Variants in CCNL1 observed in about 807,000 individuals in gnomAD.
CCNL1 encodes the protein cyclin L1.
A neutral mutation model predicts 60.6 loss-of-function variants in CCNL1; 13 were observed. The observed-to-expected ratio is 0.21, with a 90% CI of 0.14 to 0.34. The LOEUF (loss-of-function observed/expected upper bound fraction) is 0.34, where lower values mean the gene tolerates loss of function less well. Among genes scored for constraint, CCNL1 ranks in the 10% least tolerant of loss-of-function variants. The pLI, the probability that CCNL1 is intolerant of heterozygous loss-of-function variation, is 1.00. For missense variants in CCNL1, 481 were observed against 664.3 expected, an observed-to-expected ratio of 0.72 and a Z score of 3.03; for synonymous variants, 270 against 244.3, an observed-to-expected ratio of 1.10 and a Z score of -0.98.
downstream of CCNL1, among the ~76,000 whole-genome samples, chr3:157,145,458 A>C (rs1307311381): frequency 6.8e-6 from 1 of 147,966 alleles, no homozygotes; most frequent in Non-Finnish European, 1.5e-5. Flanking sequence ...AAAAAAAAAA[A>C]AAAAAACCAA....
intron 4 of CCNL1, chr3:157,152,695 T>C (rs1738285429): frequency 1.5e-5 from 17 of 1,119,196 alleles, no homozygotes; most frequent in Non-Finnish European, 1.9e-5. Flanking sequence ...TGATGATAAG[T>C]GTGCCAGATA....
chr3:157,149,988 A>G lies in CCNL1; in HGVS notation c.880-11T>C. 4.0e-6 allele frequency: 6 copies of G among 1,508,458 alleles called. No individual in the cohort carries two copies. Among genetic ancestry groups the G allele is most frequent in the Non-Finnish European group, 5.3e-6 (6 of 1,136,456 alleles). The allele number at this position is 1,508,458 out of a possible 1,614,324, so 93.4% of individuals were successfully genotyped here. ...TAATTCATAGTTTGGCTGTTGGAGG[A>G]AAAAAAAGTTAGTATTTCTTCCTTA... On this transcript the variant is annotated splice_polypyrimidine_tract_variant and intron_variant, in intron 7 of 10. Coordinates refer to ENST00000295926, the MANE Select transcript of CCNL1 (RefSeq NM_020307.4).
chr3:157,152,408 T>G, intron 4 of CCNL1, 167 bp from the exon 5 acceptor site: 1 of 1,305,172 alleles, frequency 7.7e-7, no homozygotes, highest in Non-Finnish European at 9.8e-7. Context: ...GCTACATGAC[T>G]AGATTTTATA....
intron 8 of CCNL1, 65 bp from the exon 9 acceptor site, chr3:157,149,661 T>C (rs1738020722): frequency 6.6e-7 from 1 of 1,514,596 alleles, no homozygotes; most frequent in South Asian, 1.2e-5. Context: ...AAGTTGTTTC[T>C]AAATGTAACT....
At chr3:157,156,114 TTA>T (rs1014502898) in intron 3 of CCNL1, among the ~76,000 whole-genome samples, 2 of 152,218 alleles carry the variant, frequency 1.3e-5, no homozygotes, top group African/African-American at 4.8e-5. Context: ...TTAGTTTCAT[TTA>T]TGTGTTACAA....
chr3:157,151,968 T>G (rs1488022233), intron 5 of CCNL1: 1 of 1,368,970 alleles, frequency 7.3e-7, no homozygotes, highest in African/African-American at 1.5e-5. Flanking sequence ...AAAGTTAAAT[T>G]GAGTTCTCCA....
intron 5 of CCNL1, 170 bp downstream of exon 5, chr3:157,152,007 C>G (rs1459080682): frequency 7.0e-7 from 1 of 1,420,730 alleles, no homozygotes; most frequent in African/African-American, 1.5e-5. Context: ...GCCAAGAAAA[C>G]AGGAAGCAGA....
chr3:157,159,394 G>A lies in CCNL1; in HGVS notation c.378+11C>T, dbSNP rs775833696. ...GAAGAAATCCCTTTTACCCGCCTCCGCTGTGCTTACCTCGAAACTGTGTTT... is the reference window on the plus strand; with the variant it reads ...GAAGAAATCCCTTTTACCCGCCTCCACTGTGCTTACCTCGAAACTGTGTTT... On this transcript the variant is annotated intron_variant, in intron 2 of 10. Transcript: ENST00000295926. 4 of 1,613,332 alleles carry A rather than the reference G, an allele frequency of 2.5e-6. No homozygotes were observed. In the South Asian group the frequency reaches 4.4e-5, roughly 18 times the overall value.
intron 4 of CCNL1, chr3:157,152,478 A>T: frequency 8.3e-7 from 1 of 1,211,152 alleles, no homozygotes; most frequent in South Asian, 2.3e-5. Context: ...TTAAAAGAAT[A>T]TTTTTCATTG....
intron 10 of CCNL1, chr3:157,148,999 TA>T (rs111766647): frequency 0.2 from 55,022 of 279,228 alleles, 1,086 homozygotes; most frequent in East Asian, 0.25. Context: ...TAACTGAAAT[TA>T]AAAAAAAAAA....
At chr3:157,144,382 C>A (rs1007921422), downstream of CCNL1, among the ~76,000 whole-genome samples, 1 of 152,192 alleles carries the variant, frequency 6.6e-6, no homozygotes, top group Non-Finnish European at 1.5e-5. Context: ...AAAATAAATC[C>A]TATTTGCCCA....
At chr3:157,145,142 A>G (rs1410761817), downstream of CCNL1, among the ~76,000 whole-genome samples, 1 of 152,198 alleles carries the variant, frequency 6.6e-6, no homozygotes, top group Non-Finnish European at 1.5e-5. Context: ...ACTTGTACTA[A>G]AAATCAGGAT....
chr3:157,150,478 T>A, intron 5 of CCNL1, 97 bp from the exon 6 acceptor site: 1 of 1,483,010 alleles, frequency 6.7e-7, no homozygotes, highest in Non-Finnish European at 9.0e-7. Context: ...TTCTTTTTTC[T>A]TCTCTTATTT....
At position 157,152,067 on chromosome 3, in the gene CCNL1, G is replaced by A. The variant is rs551440806; in HGVS notation, c.674+110C>T. ...TAAAAAAACAAAACAAAAAAACAAC[G>A]AAAAGCCCCAAACAAACTTATCTCA... On this transcript the variant is annotated intron_variant, in intron 5 of 10. Coordinates refer to ENST00000295926, the MANE Select transcript of CCNL1 (RefSeq NM_020307.4). 100 of 1,499,448 alleles carry A rather than the reference G, an allele frequency of 6.7e-5. 1 individual carries two copies. The highest frequency in any genetic ancestry group is 2.0e-4 in the South Asian group (15 of 73,218). The allele number at this position is 1,499,448 out of a possible 1,614,324, so 92.9% of individuals were successfully genotyped here.
At position 157,157,731 on chromosome 3, in the gene CCNL1, G is replaced by A. The variant is rs188020580; in HGVS notation, c.488+1135C>T. On this transcript the variant is annotated intron_variant, in intron 3 of 10. Coordinates refer to ENST00000295926, the MANE Select transcript of CCNL1 (RefSeq NM_020307.4). ...AAAGATGGGGGAGAAAAAGTATGTA[G>A]GAAAACTGTTGCAGACTTTTTGACT... Among the ~76,000 whole-genome samples, 9 of 152,270 alleles carry A rather than the reference G, an allele frequency of 5.9e-5. No individual in the cohort carries two copies. In the East Asian group the frequency reaches 1.2e-3, roughly 20 times the overall value.
Position 157,152,247 on chromosome 3 carries a change from G to T in CCNL1, c.610-6C>A. 1 of 1,605,668 alleles carries T rather than the reference G, an allele frequency of 6.2e-7. No homozygotes were observed. Among genetic ancestry groups the T allele is most frequent in the South Asian group, 1.1e-5 (1 of 88,928 alleles). ...TGTAAATACATAACAATGATCTGAAGGACAAGGGAAAAAAACTCAATTCAG... is the reference window on the plus strand; with the variant it reads ...TGTAAATACATAACAATGATCTGAATGACAAGGGAAAAAAACTCAATTCAG... On this transcript the variant is annotated splice_region_variant and splice_polypyrimidine_tract_variant and intron_variant, in intron 4 of 10. Coordinates refer to ENST00000295926, the MANE Select transcript of CCNL1 (RefSeq NM_020307.4).
chr3:157,144,957 A>G (rs747869053), downstream of CCNL1, among the ~76,000 whole-genome samples: 2 of 152,232 alleles, frequency 1.3e-5, no homozygotes, highest in Admixed American at 6.5e-5. Context: ...TAATGGGGTT[A>G]TAAGTGGCAA....
intron 6 of CCNL1, 29 bp downstream of exon 6, chr3:157,150,253 A>G (rs374349941): frequency 6.2e-7 from 1 of 1,612,270 alleles, no homozygotes; most frequent in African/African-American, 1.3e-5. Context: ...GATTTATCCT[A>G]CAGAACAAAA....
intron 3 of CCNL1, 79 bp downstream of exon 3, chr3:157,158,787 G>A: frequency 4.5e-6 from 4 of 888,816 alleles, no homozygotes; most frequent in Non-Finnish European, 7.0e-6. Context: ...TCACTTGAAA[G>A]GAAAGATGTT....
Sources: allele counts gnomAD v4.1 joint callset (sites outside exome capture counted in the v4.1 genomes callset), GRCh38; gene constraint gnomAD v4.1.1; transcripts MANE v1.5; gene names NCBI Gene and HGNC (gene_info 2026-07-23, HGNC 2026-07-21).